The following PLCB1 variants were observed in gnomAD, a reference collection of about 807,000 sequenced individuals.
PLCB1 encodes 1-phosphatidylinositol 4,5-bisphosphate phosphodiesterase beta-1.
A neutral mutation model predicts 161.8 loss-of-function variants in PLCB1; 46 were observed. That is an observed-to-expected ratio of 0.28 (90% CI 0.22 to 0.36). The LOEUF (loss-of-function observed/expected upper bound fraction) is 0.36, where lower values mean the gene tolerates loss of function less well. Ranked by LOEUF, PLCB1 falls within the 10% of genes least tolerant of loss-of-function variation. The pLI is 1.00. For missense variants in PLCB1, 1,016 were observed against 1,472.5 expected, an observed-to-expected ratio of 0.69 and a Z score of 5.07; for synonymous variants, 517 against 503.7, an observed-to-expected ratio of 1.03 and a Z score of -0.35.
At chr20:8,681,317 A>G (rs978236758) in intron 9 of PLCB1, among the ~76,000 whole-genome samples, 1 of 151,830 alleles carries the variant, frequency 6.6e-6, no homozygotes, top group Non-Finnish European at 1.5e-5. Context: ...GCAGACATCA[A>G]AATTAATCAC....
rs889757724 is a variant in PLCB1, at chr20:8,881,992, G to A, written c.*143G>A. On this transcript the variant is annotated 3_prime_UTR_variant, in exon 32 of 32. Transcript: ENST00000338037. ...CCACACCAAAGGGAGAGTTCCAGAG[G>A]AATCCATGAAGAATTCCCATGCCCA... 4 of 625,376 alleles carry A rather than the reference G, an allele frequency of 6.4e-6. No individual in the cohort carries two copies. Among genetic ancestry groups the A allele is most frequent in the African/African-American group, 5.5e-5 (3 of 54,248 alleles). The allele number at this position is 625,376 out of a possible 1,614,324, so 38.7% of individuals were successfully genotyped here.
intron 2 of PLCB1, among the ~76,000 whole-genome samples, chr20:8,217,386 A>G (rs1012948557): frequency 6.6e-6 from 1 of 152,092 alleles, no homozygotes; most frequent in Admixed American, 6.6e-5. Context: ...AAACCAAGGG[A>G]CTGAATGAAG....
chr20:8,340,539 C>T (rs1189623361), intron 2 of PLCB1, among the ~76,000 whole-genome samples: 1 of 152,060 alleles, frequency 6.6e-6, no homozygotes, highest in African/African-American at 2.4e-5. Context: ...TCTCCTGCCT[C>T]AGCCTCCCGC....
At chr20:8,508,150 A>AG (rs1600114361) in intron 3 of PLCB1, among the ~76,000 whole-genome samples, 1 of 152,278 alleles carries the variant, frequency 6.6e-6, no homozygotes, top group East Asian at 1.9e-4. Context: ...GGGCTGATCA[A>AG]GGGGGAGTAA....
At chr20:8,457,642 G>C (rs1468849079) in intron 3 of PLCB1, among the ~76,000 whole-genome samples, 1 of 151,780 alleles carries the variant, frequency 6.6e-6, no homozygotes, top group Non-Finnish European at 1.5e-5. Flanking sequence ...AGTTTGTCAA[G>C]TAATGAACTG....
chr20:8,677,756 C>T (rs1184420700), intron 9 of PLCB1, among the ~76,000 whole-genome samples: 1 of 152,046 alleles, frequency 6.6e-6, no homozygotes. Context: ...AAAAATCCAA[C>T]CCAAAATACT....
chr20:8,259,035 A>G (rs535634746), intron 2 of PLCB1, among the ~76,000 whole-genome samples: 1 of 152,304 alleles, frequency 6.6e-6, no homozygotes, highest in Admixed American at 6.5e-5. Flanking sequence ...TACAATATGT[A>G]GCCTTTTGAG....
intron 3 of PLCB1, among the ~76,000 whole-genome samples, chr20:8,384,761 T>C (rs1390961525): frequency 3.3e-5 from 5 of 152,198 alleles, no homozygotes; most frequent in Admixed American, 6.5e-5. Flanking sequence ...TGTTTGTTTT[T>C]CTTTCAGTGG....
intron 2 of PLCB1, among the ~76,000 whole-genome samples, chr20:8,352,472 C>G (rs1472817699): frequency 6.6e-6 from 1 of 151,994 alleles, no homozygotes; most frequent in African/African-American, 2.4e-5. Context: ...TACAAATGTA[C>G]TATGCATTTA....
intron 4 of PLCB1, among the ~76,000 whole-genome samples, chr20:8,637,819 T>G (rs1437589620): frequency 6.6e-6 from 1 of 152,244 alleles, no homozygotes. Context: ...TGTTTTAAAC[T>G]TTCAGAATCA....
chr20:8,627,808 T>C (rs1379600726), intron 3 of PLCB1, among the ~76,000 whole-genome samples: 4 of 152,232 alleles, frequency 2.6e-5, no homozygotes, highest in Non-Finnish European at 5.9e-5. Context: ...TCACGCTAAT[T>C]CTGTGTCTCT....
chr20:8,550,231 G>T (rs1018915822), intron 3 of PLCB1, among the ~76,000 whole-genome samples: 1 of 152,160 alleles, frequency 6.6e-6, no homozygotes, highest in Non-Finnish European at 1.5e-5. Flanking sequence ...GGGTATGATT[G>T]TGTTTTGAAA....
intron 31 of PLCB1, among the ~76,000 whole-genome samples, chr20:8,816,974 G>A (rs1432438021): frequency 6.6e-6 from 1 of 152,136 alleles, no homozygotes; most frequent in Non-Finnish European, 1.5e-5. Context: ...CAGGCTAAAA[G>A]GAGCCATTAT....
intron 2 of PLCB1, among the ~76,000 whole-genome samples, chr20:8,355,757 A>AT (rs1986344432): frequency 6.6e-6 from 1 of 152,194 alleles, no homozygotes; most frequent in Admixed American, 6.5e-5. Flanking sequence ...TAGCACCATT[A>AT]TAGTAAGGAC....
chr20:8,588,459 CCTAATG>C (rs1987052977), intron 3 of PLCB1, among the ~76,000 whole-genome samples: 1 of 152,062 alleles, frequency 6.6e-6, no homozygotes, highest in South Asian at 2.1e-4. Flanking sequence ...AGCCCTAACC[CCTAATG>C]TGACTTTATT....
chr20:8,290,489 C>G (rs374522264), intron 2 of PLCB1, among the ~76,000 whole-genome samples: 2 of 152,238 alleles, frequency 1.3e-5, no homozygotes. Flanking sequence ...GAACAAGTCA[C>G]CAATCACATC....
intron 2 of PLCB1, among the ~76,000 whole-genome samples, chr20:8,213,738 A>G (rs1978959971): frequency 6.6e-6 from 1 of 151,738 alleles, no homozygotes; most frequent in South Asian, 2.1e-4. Context: ...TTAAGTTTGC[A>G]TTATCACAAA....
intron 3 of PLCB1, among the ~76,000 whole-genome samples, chr20:8,525,706 G>C (rs1263749617): frequency 6.6e-6 from 1 of 151,820 alleles, no homozygotes; most frequent in Non-Finnish European, 1.5e-5. Context: ...AATCAACTTT[G>C]TGCAGTCTCT....
chr20:8,270,364 A>G (rs1436263008), intron 2 of PLCB1, among the ~76,000 whole-genome samples: 2 of 152,074 alleles, frequency 1.3e-5, no homozygotes, highest in Admixed American at 1.3e-4. Flanking sequence ...TTTTTTCAGG[A>G]ATTTGAAAGA....
Sources: gnomAD v4.1 joint callset for allele counts (sites outside exome capture counted in the v4.1 genomes callset) on GRCh38, gnomAD v4.1.1 for gene constraint, MANE v1.5 for transcripts, NCBI Gene and HGNC (gene_info 2026-07-23, HGNC 2026-07-21) for gene names.